MAPRE2: variants seen among roughly 807,000 people sequenced by gnomAD.
MAPRE2 encodes the protein microtubule-associated protein RP/EB family member 2.
Under a neutral mutation model 43.2 loss-of-function variants are expected in MAPRE2, and 13 were observed. That is an observed-to-expected ratio of 0.30 (90% CI 0.20 to 0.48). MAPRE2 has a LOEUF of 0.48. Among genes scored for constraint, MAPRE2 ranks in the 20% least tolerant of loss-of-function variants. The pLI is 0.99. For missense variants in MAPRE2, 161 were observed against 400.2 expected (o/e 0.40, Z 5.10); for synonymous variants, 135 against 148.8 (o/e 0.91, Z 0.68).
intron 6 of MAPRE2, 107 bp from the exon 7 acceptor site, chr18:35,140,188 C>T: frequency 2.1e-6 from 2 of 944,960 alleles, no homozygotes; most frequent in Non-Finnish European, 3.3e-6. Flanking sequence ...AAGCCTGGTG[C>T]CCTCCACAGC....
chr18:35,092,801 A>C (rs1332450887), intron 2 of MAPRE2, among the ~76,000 whole-genome samples: 1 of 152,218 alleles, frequency 6.6e-6, no homozygotes, highest in Non-Finnish European at 1.5e-5. Context: ...GACATTTCTC[A>C]AAAGAAAACA....
intron 2 of MAPRE2, among the ~76,000 whole-genome samples, chr18:35,095,768 G>T (rs750808706): frequency 4.6e-5 from 7 of 152,080 alleles, no homozygotes; most frequent in Non-Finnish European, 1.0e-4. Context: ...TCCTTCAAAA[G>T]AAAGAACTGG....
At chr18:35,000,670 G>C (rs2097028859) in intron 1 of MAPRE2, among the ~76,000 whole-genome samples, 1 of 152,142 alleles carries the variant, frequency 6.6e-6, no homozygotes, top group Non-Finnish European at 1.5e-5. Context: ...AAGATATTTG[G>C]TCTTTTCAAT....
At chr18:35,004,103 T>C (rs1216779854) in intron 1 of MAPRE2, among the ~76,000 whole-genome samples, 1 of 152,206 alleles carries the variant, frequency 6.6e-6, no homozygotes, top group African/African-American at 2.4e-5. Flanking sequence ...TTTACTTTTA[T>C]TCTCTTGACT....
Position 35,070,182 on chromosome 18 carries a change from GT to G in MAPRE2, c.123-5del. 10 of 1,573,148 alleles carry G rather than the reference GT, an allele frequency of 6.4e-6. No individual in the cohort carries two copies. Among genetic ancestry groups the G allele is most frequent in the Middle Eastern group, 1.7e-4 (1 of 5,882 alleles). On this transcript the variant is annotated splice_polypyrimidine_tract_variant and intron_variant, in intron 1 of 6. Coordinates refer to ENST00000300249, the MANE Select transcript of MAPRE2 (RefSeq NM_014268.4). ...ATTTCCTTGTTGTTAAATAAACTTTGTTTTTTTTCTAGTTGGGGAATGGCGG... is the reference window on the plus strand; with the variant it reads ...ATTTCCTTGTTGTTAAATAAACTTTGTTTTTTTCTAGTTGGGGAATGGCGG...
chr18:34,995,714 G>A (rs2097026155), intron 1 of MAPRE2, among the ~76,000 whole-genome samples: 1 of 152,130 alleles, frequency 6.6e-6, no homozygotes, highest in South Asian at 2.1e-4. Flanking sequence ...TAAGCTATAT[G>A]TTTGTGTCCA....
At chr18:35,054,563 A>G (rs889465213) in intron 1 of MAPRE2, among the ~76,000 whole-genome samples, 27 of 152,314 alleles carry the variant, frequency 1.8e-4, no homozygotes, top group Non-Finnish European at 3.1e-4. Flanking sequence ...CCACTCAAGG[A>G]TCCCTTGAGA....
At chr18:35,130,658 C>T (rs1458703690) in intron 5 of MAPRE2, among the ~76,000 whole-genome samples, 1 of 152,126 alleles carries the variant, frequency 6.6e-6, no homozygotes, top group African/African-American at 2.4e-5. Context: ...GAGATTTTAC[C>T]TAAGGAGGGC....
chr18:35,088,068 C>A (rs182008309), intron 2 of MAPRE2, among the ~76,000 whole-genome samples: 1 of 152,316 alleles, frequency 6.6e-6, no homozygotes, highest in Admixed American at 6.5e-5. Flanking sequence ...CTTAGTGGTC[C>A]TACCTCTTAA....
chr18:35,061,299 GTCT>G, intron 1 of MAPRE2, among the ~76,000 whole-genome samples: 1 of 152,212 alleles, frequency 6.6e-6, no homozygotes, highest in East Asian at 1.9e-4. Context: ...TCTTACATTG[GTCT>G]TCTTCACTAG....
At chr18:35,042,050 G>A (rs1304946569) in intron 1 of MAPRE2, among the ~76,000 whole-genome samples, 1 of 152,194 alleles carries the variant, frequency 6.6e-6, no homozygotes, top group East Asian at 1.9e-4. Flanking sequence ...AAACGGGAGG[G>A]TGGGGAGAAA....
At position 35,000,023 on chromosome 18, in the gene MAPRE2, G is replaced by A. The variant is rs189868451; in HGVS notation, c.-69-5469G>A. Among the ~76,000 whole-genome samples the A allele has an allele frequency of 1.8e-4, 27 of 152,150 alleles. No homozygotes were observed. The East Asian group carries it at 5.0e-3, about 28-fold the overall frequency. On this transcript the variant is annotated intron_variant, in intron 1 of 7. Transcript: ENST00000413393. ...CTCCACCTCAGGATTAATGGCCTGT[G>A]ACCTTCTGCTAATGCTGCAAGCTGC...
chr18:35,079,274 T>G (rs2144123623), intron 2 of MAPRE2, among the ~76,000 whole-genome samples: 1 of 152,284 alleles, frequency 6.6e-6, no homozygotes, highest in African/African-American at 2.4e-5. Flanking sequence ...TTACAACATC[T>G]CCTAGGATAA....
chr18:35,129,880 A>G (rs780578466), intron 5 of MAPRE2, among the ~76,000 whole-genome samples: 1 of 152,214 alleles, frequency 6.6e-6, no homozygotes, highest in Non-Finnish European at 1.5e-5. Context: ...TGAGGCTGGC[A>G]TTGGTCTTTG....
intron 1 of MAPRE2, among the ~76,000 whole-genome samples, chr18:35,051,379 A>G (rs890707625): frequency 7.9e-5 from 12 of 152,304 alleles, no homozygotes; most frequent in African/African-American, 2.9e-4. Flanking sequence ...TGGGAAGCCA[A>G]TTTGGGAAGC....
At chr18:35,097,644 T>G in intron 3 of MAPRE2, 53 bp downstream of exon 3, 1 of 1,520,078 alleles carries the variant, frequency 6.6e-7, no homozygotes, top group Non-Finnish European at 8.9e-7. Flanking sequence ...AAATTGTTTT[T>G]GTGCATAAAT....
intron 1 of MAPRE2, among the ~76,000 whole-genome samples, chr18:34,980,023 C>CTTTTTTTTTTTTTTTTTTTTTTTTTT (rs1450524683): frequency 1.5e-5 from 2 of 132,506 alleles, no homozygotes; most frequent in African/African-American, 5.9e-5. Context: ...TTTTCTTTTT[C>CTTTTTTTTTTTTTTTTTTTTTTTTTT]TTTTTTTCTT....
intron 4 of MAPRE2, among the ~76,000 whole-genome samples, chr18:35,118,555 C>T (rs972460785): frequency 2.0e-5 from 3 of 152,186 alleles, no homozygotes; most frequent in African/African-American, 7.2e-5. Context: ...GTCTTGGGCA[C>T]TCACTGCTCA....
At chr18:35,083,967 C>T (rs1435720503) in intron 2 of MAPRE2, among the ~76,000 whole-genome samples, 1 of 152,156 alleles carries the variant, frequency 6.6e-6, no homozygotes, top group African/African-American at 2.4e-5. Flanking sequence ...TGAAGAAGCA[C>T]TTTTAAAATC....
Sources: allele counts gnomAD v4.1 joint callset (sites outside exome capture counted in the v4.1 genomes callset), GRCh38; gene constraint gnomAD v4.1.1; transcripts MANE v1.5; gene names NCBI Gene and HGNC (gene_info 2026-07-23, HGNC 2026-07-21).